CDS1: variants seen among roughly 807,000 people sequenced by gnomAD.
CDS1 encodes the protein phosphatidate cytidylyltransferase 1.
A neutral mutation model predicts 62.1 loss-of-function variants in CDS1; 41 were observed. That is an observed-to-expected ratio of 0.66 (90% CI 0.51 to 0.86). The LOEUF is 0.86. Ranked by LOEUF, CDS1 falls within the 40% of genes least tolerant of loss-of-function variation. The pLI, the probability that CDS1 is intolerant of heterozygous loss-of-function variation, is 0.00. For missense variants in CDS1, 470 were observed against 550.1 expected (o/e 0.85, Z 1.46); for synonymous variants, 185 against 192.6 (o/e 0.96, Z 0.32).
In CDS1 at chr4:84,643,016, C is replaced by T. The variant is rs201239895; in HGVS notation, c.1033-8C>T. ...AGCCCCTCTCCTCCCCTTCTTTCTCCTCTTTAGGAAAGAGTGAGCTTGTAC... is the reference window on the plus strand; with the variant it reads ...AGCCCCTCTCCTCCCCTTCTTTCTCTTCTTTAGGAAAGAGTGAGCTTGTAC... On this transcript the variant is annotated splice_polypyrimidine_tract_variant and splice_region_variant and intron_variant, in intron 10 of 12. Transcript: ENST00000295887. 4.4e-6 allele frequency: 7 copies of T among 1,578,398 alleles called. No homozygotes were observed. The highest frequency in any genetic ancestry group is 2.7e-5 in the African/African-American group (2 of 74,748).
intron 9 of CDS1, among the ~76,000 whole-genome samples, chr4:84,639,820 G>A (rs954229352): frequency 6.6e-6 from 1 of 151,986 alleles, no homozygotes; most frequent in Non-Finnish European, 1.5e-5. Flanking sequence ...TAGTTCATTT[G>A]CAATGAAAAT....
chr4:84,643,662 C>T (rs531083856), intron 11 of CDS1, among the ~76,000 whole-genome samples: 9 of 152,272 alleles, frequency 5.9e-5, no homozygotes, highest in African/African-American at 1.7e-4. Flanking sequence ...GAAAGCCCCC[C>T]GTGGACAATA....
At chr4:84,595,964 A>G (rs1344107497) in intron 1 of CDS1, among the ~76,000 whole-genome samples, 1 of 151,960 alleles carries the variant, frequency 6.6e-6, no homozygotes, top group East Asian at 1.9e-4. Context: ...AAGTCTTAAA[A>G]TGGGCCTTAA....
Position 84,631,884 on chromosome 4 carries a change from A to G in CDS1, c.639+7A>G, listed in dbSNP as rs775741850. 2 of 1,579,796 alleles carry G rather than the reference A, an allele frequency of 1.3e-6. No individual in the cohort carries two copies. The highest frequency in any genetic ancestry group is 3.3e-5 in the Admixed American group (2 of 59,938). ...TCGTCTGCAGTTTTATATGGTGTGT[A>G]TTAACTATTATTCCTTAGTCATTAT... On this transcript the variant is annotated splice_region_variant and intron_variant, in intron 6 of 12. Transcript: ENST00000295887.
intron 5 of CDS1, among the ~76,000 whole-genome samples, chr4:84,625,848 T>G (rs1723840944): frequency 6.6e-6 from 1 of 151,354 alleles, no homozygotes. Context: ...CTCTTCTGGT[T>G]TGTAGTTAAT....
chr4:84,588,415 C>A (rs1042353511), intron 1 of CDS1, among the ~76,000 whole-genome samples: 2 of 152,188 alleles, frequency 1.3e-5, no homozygotes, highest in East Asian at 3.8e-4. Flanking sequence ...TTCTTTCTTG[C>A]TGCCCAGATA....
intron 5 of CDS1, 102 bp from the exon 6 acceptor site, chr4:84,631,717 A>G (rs1297895540): frequency 7.0e-6 from 6 of 853,134 alleles, no homozygotes; most frequent in African/African-American, 6.7e-5. Context: ...TAGCTAAAAT[A>G]TGCCTAGCTG....
intron 7 of CDS1, among the ~76,000 whole-genome samples, chr4:84,634,276 A>G (rs1724111414): frequency 6.6e-6 from 1 of 152,156 alleles, no homozygotes; most frequent in African/African-American, 2.4e-5. Flanking sequence ...TTATTTACAT[A>G]GAATGCAAAA....
At chr4:84,642,480 C>T (rs74780496) in intron 10 of CDS1, among the ~76,000 whole-genome samples, 4,127 of 152,226 alleles carry the variant, frequency 0.027, 186 homozygotes, top group African/African-American at 0.095. Context: ...TCTTCTCAGC[C>T]TTTATGATTG....
intron 11 of CDS1, 47 bp from the exon 12 acceptor site, chr4:84,645,175 C>T: frequency 8.6e-7 from 1 of 1,163,572 alleles, no homozygotes; most frequent in South Asian, 1.2e-5. Context: ...AATTTTATAG[C>T]AGGTGATTTT....
chr4:84,599,420 A>G (rs1213785860), intron 1 of CDS1, among the ~76,000 whole-genome samples: 9 of 19,226 alleles, frequency 4.7e-4, no homozygotes, highest in African/African-American at 1.3e-3. Context: ...ATATATATAT[A>G]TATATATATA....
intron 5 of CDS1, among the ~76,000 whole-genome samples, chr4:84,625,771 A>G (rs1723838685): frequency 6.6e-6 from 1 of 151,712 alleles, no homozygotes; most frequent in South Asian, 2.1e-4. Flanking sequence ...AGGTTGGGAG[A>G]CATGATCAGG....
intron 5 of CDS1, among the ~76,000 whole-genome samples, chr4:84,625,894 G>A (rs1723841730): frequency 2.6e-5 from 4 of 151,742 alleles, no homozygotes; most frequent in South Asian, 2.1e-4. Flanking sequence ...TAGGCCGGGC[G>A]CGGTGGCTCA....
intron 8 of CDS1, among the ~76,000 whole-genome samples, chr4:84,636,350 G>A (rs1022849600): frequency 6.6e-5 from 10 of 152,122 alleles, no homozygotes; most frequent in African/African-American, 2.4e-4. Flanking sequence ...ATACACATGA[G>A]TAGACCATGT....
Position 84,617,593 on chromosome 4 carries a change from T to C in CDS1, c.372T>C (p.His124=). The change falls in exon 4 of 13, where the codon CAT becomes CAC. Residue 124 remains histidine, a synonymous_variant. Transcript: ENST00000295887. ...TGGGCATCCAAGTGAAATGCTTCCA[T>C]GAAATTATCACTATAGGTTATAGAG... ...LVLGIQVKCF[H]EIITIGYRVY... is the part of the protein sequence containing the mutation. 1 of 1,593,274 alleles carries C rather than the reference T, an allele frequency of 6.3e-7. No homozygotes were observed. The highest frequency in any genetic ancestry group is 8.6e-7 in the Non-Finnish European group (1 of 1,163,812).
At chr4:84,633,478 A>G (rs568688906) in intron 6 of CDS1, among the ~76,000 whole-genome samples, 1 of 152,374 alleles carries the variant, frequency 6.6e-6, no homozygotes, top group South Asian at 2.1e-4. Context: ...TTTGTTAATA[A>G]CTGCAGAATG....
At chr4:84,643,608 A>G (rs1724462402) in intron 11 of CDS1, among the ~76,000 whole-genome samples, 1 of 152,226 alleles carries the variant, frequency 6.6e-6, no homozygotes, top group Non-Finnish European at 1.5e-5. Context: ...CAGACCATAT[A>G]TTCTATCAAA....
intron 1 of CDS1, among the ~76,000 whole-genome samples, chr4:84,599,150 A>G (rs1475055262): frequency 6.6e-6 from 1 of 152,056 alleles, no homozygotes; most frequent in African/African-American, 2.4e-5. Flanking sequence ...TCCTGCTGGG[A>G]GCCCTTTGCA....
In CDS1 at chr4:84,643,160, T is replaced by G. The variant is rs1016659556; in HGVS notation, c.1152+17T>G. ...AAAATCAAGGTGTGTGTTTAGATTC[T>G]TTGTTATATTATTAGAGAATATAAT... On this transcript the variant is annotated intron_variant, in intron 11 of 12. Coordinates refer to ENST00000295887, the MANE Select transcript of CDS1 (RefSeq NM_001263.4). 3 of 1,609,596 alleles carry G rather than the reference T, an allele frequency of 1.9e-6. No individual in the cohort carries two copies. Among genetic ancestry groups the G allele is most frequent in the Non-Finnish European group, 2.5e-6 (3 of 1,177,186 alleles).
Sources: gnomAD v4.1 joint callset for allele counts (sites outside exome capture counted in the v4.1 genomes callset) on GRCh38, gnomAD v4.1.1 for gene constraint, MANE v1.5 for transcripts, NCBI Gene and HGNC (gene_info 2026-07-23, HGNC 2026-07-21) for gene names.